The following PPP2R5E variants were observed in gnomAD, a reference collection of about 807,000 sequenced individuals.
PPP2R5E encodes serine/threonine-protein phosphatase 2A 56 kDa regulatory subunit epsilon isoform.
Under a neutral mutation model 65.3 loss-of-function variants are expected in PPP2R5E, and 4 were observed. That is an observed-to-expected ratio of 0.06 (90% CI 0.03 to 0.14). The LOEUF (loss-of-function observed/expected upper bound fraction) is 0.14, where lower values mean the gene tolerates loss of function less well. PPP2R5E is among the 10% of genes least tolerant of loss of function. The pLI, the probability that PPP2R5E is intolerant of heterozygous loss-of-function variation, is 1.00. For missense variants in PPP2R5E, 274 were observed against 556.1 expected, an observed-to-expected ratio of 0.49 and a Z score of 5.10; for synonymous variants, 183 against 187.4, an observed-to-expected ratio of 0.98 and a Z score of 0.19.
chr14:63,484,854 A>C (rs900053804), intron 2 of PPP2R5E, among the ~76,000 whole-genome samples: 5 of 152,236 alleles, frequency 3.3e-5, no homozygotes, highest in African/African-American at 1.2e-4. Flanking sequence ...AGTATCTTGT[A>C]AATTTACAGG....
At chr14:63,475,484 T>A (rs1890364035) in intron 2 of PPP2R5E, among the ~76,000 whole-genome samples, 1 of 152,268 alleles carries the variant, frequency 6.6e-6, no homozygotes, top group Non-Finnish European at 1.5e-5. Flanking sequence ...GATGAAAGTC[T>A]AAGGAAGCTT....
At chr14:63,496,785 G>A (rs1452113898) in intron 2 of PPP2R5E, among the ~76,000 whole-genome samples, 1 of 150,576 alleles carries the variant, frequency 6.6e-6, no homozygotes, top group Non-Finnish European at 1.5e-5. Context: ...AATAAGCAAA[G>A]AAGCCAAATG....
At chr14:63,382,180 AGTGT>A (rs765295368) in intron 12 of PPP2R5E, 23 bp from the exon 13 acceptor site, 2 of 1,580,674 alleles carry the variant, frequency 1.3e-6, no homozygotes, top group East Asian at 2.2e-5. Context: ...GAAAAAAAGG[AGTGT>A]GTTAGTTAGT....
intron 2 of PPP2R5E, among the ~76,000 whole-genome samples, chr14:63,465,531 T>C (rs1889752323): frequency 6.6e-6 from 1 of 150,456 alleles, no homozygotes; most frequent in African/African-American, 2.4e-5. Context: ...GAGGCTGAGG[T>C]CAGAGGATGG....
chr14:63,410,026 A>C (rs1319038084), intron 5 of PPP2R5E, among the ~76,000 whole-genome samples: 1 of 152,216 alleles, frequency 6.6e-6, no homozygotes. Context: ...CCACTACGTC[A>C]TAGTAAAATA....
intron 2 of PPP2R5E, among the ~76,000 whole-genome samples, chr14:63,494,707 C>A (rs949978393): frequency 6.0e-5 from 9 of 149,698 alleles, no homozygotes; most frequent in African/African-American, 2.2e-4. Flanking sequence ...CATGCCTGGA[C>A]AACATGACAA....
chr14:63,499,518 AGT>A (rs536376385), intron 2 of PPP2R5E, among the ~76,000 whole-genome samples: 114 of 152,298 alleles, frequency 7.5e-4, no homozygotes, highest in African/African-American at 2.7e-3. Context: ...TGAAGTCAGG[AGT>A]TCGAGACCAG....
intron 2 of PPP2R5E, among the ~76,000 whole-genome samples, chr14:63,467,944 C>T (rs984642069): frequency 3.3e-5 from 5 of 152,192 alleles, no homozygotes; most frequent in African/African-American, 9.6e-5. Context: ...TTAGGTGAGT[C>T]TCTAGCCCTT....
intron 2 of PPP2R5E, among the ~76,000 whole-genome samples, chr14:63,528,672 T>C (rs1324257156): frequency 6.6e-6 from 1 of 152,178 alleles, no homozygotes; most frequent in Admixed American, 6.5e-5. Flanking sequence ...AAAATTGGCA[T>C]TAAAATTTTA....
At chr14:63,441,808 G>A (rs1392250801) in intron 3 of PPP2R5E, among the ~76,000 whole-genome samples, 1 of 151,816 alleles carries the variant, frequency 6.6e-6, no homozygotes, top group Non-Finnish European at 1.5e-5. Flanking sequence ...TACTCGGGAG[G>A]CTGAGGCAGG....
At chr14:63,492,733 T>C (rs1185784116) in intron 2 of PPP2R5E, among the ~76,000 whole-genome samples, 2 of 152,272 alleles carry the variant, frequency 1.3e-5, no homozygotes, top group Non-Finnish European at 2.9e-5. Flanking sequence ...TTTTGTTTGT[T>C]GAATTTTTTT....
At chr14:63,384,769 C>T (rs1325468875) in intron 11 of PPP2R5E, among the ~76,000 whole-genome samples, 198 bp from the exon 12 acceptor site, 1 of 152,054 alleles carries the variant, frequency 6.6e-6, no homozygotes, top group African/African-American at 2.4e-5. Flanking sequence ...GATCTCGGCT[C>T]TCTGCAACCT....
chr14:63,380,077 G>A (rs1439085180), intron 13 of PPP2R5E, among the ~76,000 whole-genome samples: 1 of 151,256 alleles, frequency 6.6e-6, no homozygotes, highest in African/African-American at 2.4e-5. Flanking sequence ...CAGATGACCC[G>A]CCCGCCTCAG....
intron 4 of PPP2R5E, among the ~76,000 whole-genome samples, chr14:63,419,286 G>A (rs575901051): frequency 6.6e-6 from 1 of 152,182 alleles, no homozygotes; most frequent in African/African-American, 2.4e-5. Context: ...CTCCCGTCAG[G>A]TATTTATACT....
intron 5 of PPP2R5E, among the ~76,000 whole-genome samples, chr14:63,412,591 A>C (rs897273694): frequency 7.9e-5 from 12 of 152,238 alleles, no homozygotes; most frequent in Non-Finnish European, 8.8e-5. Flanking sequence ...AACTCGGTCT[A>C]GAGGAGAAAA....
chr14:63,434,089 C>A (rs568264903), intron 3 of PPP2R5E, among the ~76,000 whole-genome samples: 1 of 152,176 alleles, frequency 6.6e-6, no homozygotes, highest in East Asian at 1.9e-4. Context: ...TGCATGGGTT[C>A]AATATACCCT....
intron 2 of PPP2R5E, among the ~76,000 whole-genome samples, chr14:63,514,696 C>A (rs1892595503): frequency 6.6e-6 from 1 of 152,128 alleles, no homozygotes; most frequent in African/African-American, 2.4e-5. Flanking sequence ...GGGGCACTAT[C>A]CTAGACAGCA....
intron 2 of PPP2R5E, among the ~76,000 whole-genome samples, chr14:63,520,461 TTGTC>T (rs1451067824): frequency 1.3e-5 from 2 of 152,216 alleles, no homozygotes; most frequent in Admixed American, 1.3e-4. Flanking sequence ...AATTCTATCT[TTGTC>T]TGTTCAGGTG....
chr14:63,527,477 A>C (rs1310345509), intron 2 of PPP2R5E, among the ~76,000 whole-genome samples: 1 of 152,236 alleles, frequency 6.6e-6, no homozygotes, highest in African/African-American at 2.4e-5. Context: ...AACATTTGCC[A>C]TTGTGTACTT....
Sources: allele counts gnomAD v4.1 joint callset (sites outside exome capture counted in the v4.1 genomes callset), GRCh38; gene constraint gnomAD v4.1.1; transcripts MANE v1.5; gene names NCBI Gene and HGNC (gene_info 2026-07-23, HGNC 2026-07-21).